Variants in CLYBL observed in about 807,000 individuals in gnomAD.
CLYBL encodes citramalyl-CoA lyase, mitochondrial.
CLYBL carries 31 observed loss-of-function variants against 38.9 expected under a neutral mutation model. The ratio of observed to expected loss-of-function variants is 0.80; its 90% CI spans 0.60 to 1.08. The LOEUF is 1.08. Ranked by LOEUF, CLYBL falls within the 50% of genes least tolerant of loss-of-function variation. The pLI is 0.00. For synonymous variants in CLYBL, 171 were observed against 158.6 expected, an observed-to-expected ratio of 1.08 and a Z score of -0.59; for missense variants, 434 against 411.6, an observed-to-expected ratio of 1.05 and a Z score of -0.47.
chr13:99,664,106 A>C (rs1594108005), intron 1 of CLYBL, among the ~76,000 whole-genome samples: 1 of 152,370 alleles, frequency 6.6e-6, no homozygotes, highest in East Asian at 1.9e-4. Context: ...AATGGATTAT[A>C]ACTCTTGACC....
chr13:99,872,145 T>C (rs1314708699), intron 7 of CLYBL, among the ~76,000 whole-genome samples: 2 of 152,062 alleles, frequency 1.3e-5, no homozygotes, highest in Non-Finnish European at 2.9e-5. Context: ...ATTAAATGGG[T>C]CATTCCCTAA....
At chr13:99,889,270 C>T (rs2052428493) in intron 7 of CLYBL, among the ~76,000 whole-genome samples, 1 of 152,178 alleles carries the variant, frequency 6.6e-6, no homozygotes, top group Admixed American at 6.5e-5. Flanking sequence ...CCTAGCAGGA[C>T]AGATGTGCTG....
At chr13:99,714,935 C>T (rs1217485461) in intron 1 of CLYBL, among the ~76,000 whole-genome samples, 3 of 151,940 alleles carry the variant, frequency 2.0e-5, no homozygotes, top group South Asian at 2.1e-4. Flanking sequence ...GGCAACAGAG[C>T]GAGACTCTGT....
rs572252810 is a variant in CLYBL at position 99,673,830 on chromosome 13, T to G, written c.62+67073T>G. ...AGTGGGGAGACCCGTCAGGAGATAG[T>G]TGCTGTGAGACAGGTGAGAGCTGCT... On this transcript the variant is annotated intron_variant, in intron 1 of 8. Transcript: ENST00000339105. 1.9e-3 allele frequency among the ~76,000 whole-genome samples: 290 copies of G among 152,314 alleles called. 1 individual carries two copies. The highest frequency in any genetic ancestry group is 6.8e-3 in the African/African-American group (282 of 41,570).
intron 2 of CLYBL, among the ~76,000 whole-genome samples, chr13:99,793,379 A>G (rs1322725218): frequency 2.0e-5 from 3 of 152,154 alleles, no homozygotes; most frequent in Non-Finnish European, 2.9e-5. Context: ...TTCAATAGGA[A>G]TTAGGATATC....
chr13:99,880,095 T>C (rs200230195), intron 7 of CLYBL, among the ~76,000 whole-genome samples: 1 of 130,348 alleles, frequency 7.7e-6, no homozygotes, highest in East Asian at 2.1e-4. Flanking sequence ...TGAGACAGAG[T>C]CTTGTTCTGT....
chr13:99,767,987 A>G (rs2049301251), intron 1 of CLYBL, among the ~76,000 whole-genome samples: 1 of 151,608 alleles, frequency 6.6e-6, no homozygotes, highest in African/African-American at 2.4e-5. Flanking sequence ...CCATATTTTC[A>G]TCTTTCTTCA....
intron 7 of CLYBL, among the ~76,000 whole-genome samples, chr13:99,872,976 G>A (rs1344903989): frequency 2.0e-5 from 3 of 150,940 alleles, no homozygotes; most frequent in Non-Finnish European, 4.4e-5. Flanking sequence ...ATGCCCTCTC[G>A]TTGGGGCATA....
intron 1 of CLYBL, among the ~76,000 whole-genome samples, chr13:99,660,996 T>G (rs1186001553): frequency 6.6e-6 from 1 of 152,204 alleles, no homozygotes; most frequent in Non-Finnish European, 1.5e-5. Flanking sequence ...TTTTTCACTT[T>G]AAATGAAAAA....
At chr13:99,701,870 C>G (rs866905277) in intron 1 of CLYBL, among the ~76,000 whole-genome samples, 1 of 151,448 alleles carries the variant, frequency 6.6e-6, no homozygotes, top group African/African-American at 2.4e-5. Flanking sequence ...TGGGGATTCA[C>G]CATGTTGGCC....
chr13:99,859,367 C>A (rs1000131438), intron 3 of CLYBL, among the ~76,000 whole-genome samples: 2 of 152,202 alleles, frequency 1.3e-5, no homozygotes, highest in South Asian at 4.1e-4. Context: ...AATCTCATCC[C>A]TTCCTCCACC....
rs886721733 is a variant in CLYBL at position 99,627,921 on chromosome 13, T to C, written c.62+21164T>C. Among the ~76,000 whole-genome samples, 9 of 152,250 alleles carry C rather than the reference T, an allele frequency of 5.9e-5. No homozygotes were observed. The East Asian group carries it at 1.3e-3, about 23-fold the overall frequency. On this transcript the variant is annotated intron_variant, in intron 1 of 8. Transcript: ENST00000339105. ...CATGTGAATTTCATGTATTTTCTGG[T>C]AATCAACTCTGTTTTAAAGGCTTTT...
intron 1 of CLYBL, among the ~76,000 whole-genome samples, chr13:99,724,677 T>G (rs6491527): frequency 0.24 from 37,008 of 151,924 alleles, 5,273 homozygotes; most frequent in East Asian, 0.47. Flanking sequence ...TGGTGGGGAG[T>G]TGAGCACGAG....
intron 1 of CLYBL, among the ~76,000 whole-genome samples, chr13:99,630,870 G>C (rs2046933763): frequency 1.3e-5 from 2 of 152,182 alleles, no homozygotes; most frequent in Admixed American, 6.5e-5. Context: ...GAGATTCAGG[G>C]AAGTTAAGTA....
chr13:99,815,685 A>C (rs2050432247), intron 2 of CLYBL, among the ~76,000 whole-genome samples: 1 of 152,164 alleles, frequency 6.6e-6, no homozygotes, highest in South Asian at 2.1e-4. Context: ...CAGGAGTTCA[A>C]GACAAACATG....
intron 6 of CLYBL, among the ~76,000 whole-genome samples, chr13:99,868,716 A>C (rs2051813028): frequency 6.6e-6 from 1 of 152,212 alleles, no homozygotes; most frequent in Admixed American, 6.5e-5. Context: ...AATGGCCATT[A>C]ACTTTAGGAA....
At chr13:99,760,045 CTG>C (rs1387295019) in intron 1 of CLYBL, among the ~76,000 whole-genome samples, 1 of 152,176 alleles carries the variant, frequency 6.6e-6, no homozygotes, top group East Asian at 1.9e-4. Flanking sequence ...TTCAGATTTT[CTG>C]TTTCTTCACA....
At chr13:99,702,053 C>T (rs867492783) in intron 1 of CLYBL, among the ~76,000 whole-genome samples, 51 of 152,340 alleles carry the variant, frequency 3.3e-4, no homozygotes, top group Middle Eastern at 6.8e-3. Flanking sequence ...TGACATTCAG[C>T]AGCTACTGAC....
At chr13:99,727,686 C>A (rs576900508) in intron 1 of CLYBL, among the ~76,000 whole-genome samples, 3 of 152,034 alleles carry the variant, frequency 2.0e-5, no homozygotes, top group African/African-American at 7.2e-5. Context: ...TCTCCCGTGG[C>A]CAGTATGGGA....
Sources: gnomAD v4.1 joint callset for allele counts (sites outside exome capture counted in the v4.1 genomes callset) on GRCh38, gnomAD v4.1.1 for gene constraint, MANE v1.5 for transcripts, NCBI Gene and HGNC (gene_info 2026-07-23, HGNC 2026-07-21) for gene names.